Variants in TCF3 observed in about 807,000 individuals in gnomAD.
TCF3 encodes transcription factor 3.
A neutral mutation model predicts 72.3 loss-of-function variants in TCF3; 54 were observed. That is an observed-to-expected ratio of 0.75 (90% confidence interval 0.60 to 0.94). The LOEUF is 0.94. Among genes scored for constraint, TCF3 ranks in the 40% least tolerant of loss-of-function variants. The probability of loss-of-function intolerance (pLI) is 0.00; values close to 1 mark genes in which losing one functional copy is unlikely to be tolerated. For missense variants in TCF3, 1,078 were observed against 934.4 expected (o/e 1.15, Z -2.00); for synonymous variants, 525 against 412.6 (o/e 1.27, Z -3.30).
At chr19:1,648,728 T>C (rs1261886089) in intron 2 of TCF3, among the ~76,000 whole-genome samples, 1 of 150,132 alleles carries the variant, frequency 6.7e-6, no homozygotes, top group Non-Finnish European at 1.5e-5. Flanking sequence ...CAGACCTCAG[T>C]GGCCTGTGCC....
At chr19:1,621,484 T>C (rs1265146123) in intron 11 of TCF3, among the ~76,000 whole-genome samples, 3 of 149,112 alleles carry the variant, frequency 2.0e-5, no homozygotes, top group Non-Finnish European at 4.4e-5. Context: ...GGTAACTGAG[T>C]CCCTCTCTGG....
At chr19:1,632,498 A>C in intron 3 of TCF3, 93 bp from the exon 4 acceptor site, 1 of 1,357,908 alleles carries the variant, frequency 7.4e-7, no homozygotes, top group South Asian at 1.3e-5. Context: ...ACCTCAGTGG[A>C]CCCGGGGGGC....
intron 16 of TCF3, chr19:1,616,444 A>AG (rs2061555088): frequency 6.6e-6 from 1 of 152,014 alleles, no homozygotes; most frequent in African/African-American, 2.4e-5. Flanking sequence ...ACTGTACTCC[A>AG]GCCTGGGTGA....
At chr19:1,633,076 A>T (rs888409658) in intron 3 of TCF3, among the ~76,000 whole-genome samples, 1 of 140,120 alleles carries the variant, frequency 7.1e-6, no homozygotes, top group Non-Finnish European at 1.6e-5. Context: ...GGACGGGACG[A>T]GGACCTTGGT....
chr19:1,620,694 C>G (rs2062082887), intron 13 of TCF3, among the ~76,000 whole-genome samples: 1 of 152,182 alleles, frequency 6.6e-6, no homozygotes, highest in African/African-American at 2.4e-5. Context: ...CCTTGGAGGG[C>G]TGGCTTGGAG....
At chr19:1,620,450 A>C (rs1030682382) in intron 13 of TCF3, among the ~76,000 whole-genome samples, 1 of 152,210 alleles carries the variant, frequency 6.6e-6, no homozygotes, top group Non-Finnish European at 1.5e-5. Flanking sequence ...AACAGTCAGT[A>C]CCTAATAAAT....
intron 3 of TCF3, among the ~76,000 whole-genome samples, chr19:1,642,321 G>GACAC (rs145416641): frequency 6.6e-6 from 1 of 151,854 alleles, no homozygotes; most frequent in East Asian, 1.9e-4. Context: ...CGCACACACA[G>GACAC]ACACACACAC....
intron 6 of TCF3, among the ~76,000 whole-genome samples, chr19:1,626,963 C>A (rs2062961370): frequency 6.6e-6 from 1 of 152,184 alleles, no homozygotes; most frequent in Non-Finnish European, 1.5e-5. Flanking sequence ...TGGTCACAGC[C>A]CCCAACATCC....
intron 6 of TCF3, among the ~76,000 whole-genome samples, chr19:1,626,195 T>C (rs959767210): frequency 1.6e-4 from 24 of 152,210 alleles, no homozygotes; most frequent in Middle Eastern, 3.4e-3. Flanking sequence ...TCACACCTAT[T>C]ATCCCAGTAC....
chr19:1,651,805 CCCCGGCCCG>C (rs2067127963), intron 1 of TCF3, among the ~76,000 whole-genome samples: 1 of 151,538 alleles, frequency 6.6e-6, no homozygotes, highest in African/African-American at 2.4e-5. Flanking sequence ...GCGCGCCCCC[CCCCGGCCCG>C]CCCGGCCCCG....
chr19:1,648,124 T>G (rs2066403807), intron 2 of TCF3, among the ~76,000 whole-genome samples: 1 of 152,148 alleles, frequency 6.6e-6, no homozygotes, highest in Admixed American at 6.5e-5. Flanking sequence ...AAAGGCGCGC[T>G]GGGAACAGCC....
At chr19:1,626,951 G>A (rs535691575) in intron 6 of TCF3, among the ~76,000 whole-genome samples, 3 of 152,292 alleles carry the variant, frequency 2.0e-5, no homozygotes, top group Admixed American at 1.3e-4. Flanking sequence ...GACCCCTGTG[G>A]CTGGTCACAG....
At position 1,613,409 on chromosome 19, in the gene TCF3, G is replaced by A. The variant is rs143266129; in HGVS notation, c.1823-1560C>T. 5.1e-3 allele frequency among the ~76,000 whole-genome samples: 772 copies of A among 152,238 alleles called. 6 individuals carry two copies. Among genetic ancestry groups the A allele is most frequent in the African/African-American group, 0.017 (726 of 41,530 alleles). ...CTGCTTCCCCGTCTGGGAGCCCACA[G>A]GGTAACTGCTTCTCCCTTGACCCTG... is the stretch of plus-strand genomic sequence containing the variant. On this transcript the variant is annotated intron_variant, in intron 18 of 18. Transcript: ENST00000262965.
At chr19:1,619,584 C>G in intron 14 of TCF3, 110 bp from the exon 15 acceptor site, 1 of 1,438,766 alleles carries the variant, frequency 7.0e-7, no homozygotes, top group Non-Finnish European at 9.2e-7. Flanking sequence ...TTCCCCTTCC[C>G]CAGGAAGCTG....
intron 16 of TCF3, among the ~76,000 whole-genome samples, chr19:1,616,163 T>A (rs188756566): frequency 1.3e-5 from 2 of 152,248 alleles, no homozygotes; most frequent in East Asian, 1.9e-4. Flanking sequence ...AATCATTAAC[T>A]TAAAAATATG....
chr19:1,627,274 C>A, intron 6 of TCF3, 85 bp downstream of exon 6: 2 of 1,271,726 alleles, frequency 1.6e-6, no homozygotes, highest in East Asian at 2.7e-5. Context: ...CTAGCTAAGC[C>A]AGGAGAGCTT....
chr19:1,623,887 A>G, intron 8 of TCF3, 64 bp downstream of exon 8: 1 of 1,551,908 alleles, frequency 6.4e-7, no homozygotes, highest in Non-Finnish European at 8.8e-7. Context: ...AAGCTTCGCC[A>G]GGACACAGGG....
chr19:1,623,370 C>CA (rs1568382660), intron 8 of TCF3, among the ~76,000 whole-genome samples: 2 of 147,822 alleles, frequency 1.4e-5, no homozygotes, highest in African/African-American at 5.0e-5. Context: ...GCCCCAATTG[C>CA]GGCACCCCCC....
At chr19:1,633,170 G>A (rs1161707315) in intron 3 of TCF3, among the ~76,000 whole-genome samples, 2 of 152,236 alleles carry the variant, frequency 1.3e-5, no homozygotes, top group Admixed American at 6.5e-5. Flanking sequence ...GCCCTGGGCA[G>A]GGAGGGCCTG....
Sources: allele counts gnomAD v4.1 joint callset (sites outside exome capture counted in the v4.1 genomes callset), GRCh38; gene constraint gnomAD v4.1.1; transcripts MANE v1.5; gene names NCBI Gene and HGNC (gene_info 2026-07-23, HGNC 2026-07-21).